RP1: variants seen among roughly 807,000 people sequenced by gnomAD.
RP1 encodes oxygen-regulated protein 1.
A neutral mutation model predicts 14.8 loss-of-function variants in RP1; 16 were observed. The ratio of observed to expected loss-of-function variants is 1.08; its 90% CI spans 0.73 to 1.65. The LOEUF is 1.65. Among genes scored for constraint, RP1 ranks in the 40% most tolerant of loss-of-function variants. The pLI, the probability that RP1 is intolerant of heterozygous loss-of-function variation, is 0.00. For synonymous variants in RP1, 876 were observed against 883.6 expected (o/e 0.99, Z 0.15); for missense variants, 2,631 against 2,535.0 (o/e 1.04, Z -0.81).
chr8:54,702,767 C>T (rs1192322133), intron 14 of RP1, among the ~76,000 whole-genome samples: 1 of 152,124 alleles, frequency 6.6e-6, no homozygotes, highest in Non-Finnish European at 1.5e-5. Flanking sequence ...AGTATAAATC[C>T]TCTCGAGCTG....
chr8:54,839,042 T>A (rs1811731855), intron 25 of RP1, among the ~76,000 whole-genome samples: 1 of 152,206 alleles, frequency 6.6e-6, no homozygotes. Flanking sequence ...GCCATTACCA[T>A]CATCATCATT....
intron 7 of RP1, among the ~76,000 whole-genome samples, chr8:54,667,477 G>C (rs1247681622): frequency 6.6e-6 from 1 of 152,136 alleles, no homozygotes; most frequent in Non-Finnish European, 1.5e-5. Context: ...GTACAGCAGA[G>C]AGACAATAAG....
At position 54,830,034 on chromosome 8, in the gene RP1, A is replaced by G. The variant is rs942857262; in HGVS notation, c.3616-7416A>G. Among the ~76,000 whole-genome samples the G allele has an allele frequency of 5.3e-5, 8 of 152,172 alleles. No homozygotes were observed. In the East Asian group the frequency reaches 1.5e-3, roughly 29 times the overall value. ...AGCTTTTGGATATAATGTACTCTGA[A>G]TATCAGTTAGGGCAAGTTGGTTGAT... On this transcript the variant is annotated intron_variant, in intron 24 of 28. Coordinates refer to the RP1 transcript ENST00000637698.
intron 4 of RP1, among the ~76,000 whole-genome samples, chr8:54,652,276 G>A (rs756059965): frequency 1.3e-5 from 2 of 152,120 alleles, no homozygotes; most frequent in Non-Finnish European, 2.9e-5. Flanking sequence ...CACATATTTT[G>A]AACTTTTCAG....
At chr8:54,835,057 G>T (rs1811625966) in intron 24 of RP1, among the ~76,000 whole-genome samples, 1 of 152,022 alleles carries the variant, frequency 6.6e-6, no homozygotes, top group Non-Finnish European at 1.5e-5. Context: ...GTTTCATGTG[G>T]GTTTAGGGTA....
chr8:54,582,126 A>G (rs1157088534), intron 1 of RP1, among the ~76,000 whole-genome samples: 3 of 152,140 alleles, frequency 2.0e-5, no homozygotes, highest in Non-Finnish European at 4.4e-5. Flanking sequence ...TACGGTTTTT[A>G]TGGTTTTAGG....
chr8:54,775,798 T>A (rs78479545), intron 23 of RP1, among the ~76,000 whole-genome samples: 5,732 of 152,308 alleles, frequency 0.038, 239 homozygotes, highest in African/African-American at 0.095. Context: ...ACCTGCATAC[T>A]TAGGTCAAGA....
intron 27 of RP1, among the ~76,000 whole-genome samples, chr8:54,861,562 T>A (rs1013060822): frequency 6.6e-6 from 1 of 152,242 alleles, no homozygotes; most frequent in African/African-American, 2.4e-5. Flanking sequence ...GTTTCCAGTT[T>A]GACTGTTACA....
At chr8:54,694,264 A>G (rs1807797400) in intron 12 of RP1, among the ~76,000 whole-genome samples, 1 of 152,176 alleles carries the variant, frequency 6.6e-6, no homozygotes, top group Non-Finnish European at 1.5e-5. Context: ...CATCGAGGAT[A>G]TTGGTCTAAA....
At chr8:54,731,770 A>T (rs926874287) in intron 17 of RP1, among the ~76,000 whole-genome samples, 1 of 152,170 alleles carries the variant, frequency 6.6e-6, no homozygotes, top group Non-Finnish European at 1.5e-5. Flanking sequence ...ATTTGTGTTC[A>T]TTCATGCACG....
rs1187982898 is a variant in RP1 at position 54,674,379 on chromosome 8, C to T, written c.1402+451C>T. On this transcript the variant is annotated intron_variant, in intron 8 of 22. Transcript: ENST00000636932. ...CTCCTGCCATTTTATTCATGCTTTTCCTCAGTCTTCTCATCAACTCTGTGA... is the reference window on the plus strand; with the variant it reads ...CTCCTGCCATTTTATTCATGCTTTTTCTCAGTCTTCTCATCAACTCTGTGA... 9.9e-5 allele frequency among the ~76,000 whole-genome samples: 15 copies of T among 152,140 alleles called. No homozygotes were observed. In the South Asian group the frequency reaches 2.9e-3, roughly 29 times the overall value.
chr8:54,776,028 C>G (rs1407907530), intron 23 of RP1, among the ~76,000 whole-genome samples: 1 of 152,014 alleles, frequency 6.6e-6, no homozygotes, highest in African/African-American at 2.4e-5. Context: ...GAAAAAAACC[C>G]AAACAATAAA....
chr8:54,808,939 G>T (rs1810924817), intron 24 of RP1, among the ~76,000 whole-genome samples: 3 of 152,124 alleles, frequency 2.0e-5, no homozygotes, highest in African/African-American at 7.2e-5. Context: ...CTGTCCTATA[G>T]CATAAACAAT....
chr8:54,853,050 C>T (rs899194837), intron 26 of RP1, among the ~76,000 whole-genome samples: 1 of 152,162 alleles, frequency 6.6e-6, no homozygotes, highest in African/African-American at 2.4e-5. Context: ...GCTACCCAGG[C>T]GTTTAGGGCT....
intron 25 of RP1, among the ~76,000 whole-genome samples, chr8:54,844,486 G>A (rs1027791654): frequency 5.3e-5 from 8 of 151,724 alleles, no homozygotes; most frequent in Non-Finnish European, 7.4e-5. Flanking sequence ...CTGTGTGTGC[G>A]TGTGTAGACA....
chr8:54,638,715 T>C (rs976316147), intron 3 of RP1, among the ~76,000 whole-genome samples: 9 of 152,176 alleles, frequency 5.9e-5, no homozygotes, highest in African/African-American at 2.2e-4. Context: ...TTGTTTTTGC[T>C]ACACTAGGCA....
chr8:54,632,227 T>A (rs1236688557), downstream of RP1, among the ~76,000 whole-genome samples: 1 of 152,144 alleles, frequency 6.6e-6, no homozygotes. Context: ...ATTTGGAAGG[T>A]GTGAAATATA....
rs1169800487 is a variant in RP1 at position 54,790,390 on chromosome 8, C to T, written c.3615+6680C>T. Among the ~76,000 whole-genome samples, 3 of 152,154 alleles carry T rather than the reference C, an allele frequency of 2.0e-5. No individual in the cohort carries two copies. The East Asian group carries it at 5.8e-4, about 29-fold the overall frequency. The stretch of plus-strand genomic sequence containing the variant: ...AAAGTCTGGAATACCTGATTGCTTC[C>T]TTAAATGCACAGTCACCAATGCAAG... On this transcript the variant is annotated intron_variant, in intron 24 of 28. Transcript: ENST00000637698.
intron 27 of RP1, among the ~76,000 whole-genome samples, chr8:54,860,376 A>C (rs1441215182): frequency 1.3e-5 from 2 of 152,332 alleles, no homozygotes; most frequent in East Asian, 3.9e-4. Flanking sequence ...AGCCACATAC[A>C]GTATTATTCT....
Sources: gnomAD v4.1 joint callset for allele counts (sites outside exome capture counted in the v4.1 genomes callset) on GRCh38, gnomAD v4.1.1 for gene constraint, MANE v1.5 for transcripts, NCBI Gene and HGNC (gene_info 2026-07-23, HGNC 2026-07-21) for gene names.